MICU1: variants seen among roughly 807,000 people sequenced by gnomAD.
The protein encoded by MICU1 is mitochondrial calcium uptake 1, also known as calcium uptake protein 1, mitochondrial.
A neutral mutation model predicts 56.8 loss-of-function variants in MICU1; 45 were observed. The observed-to-expected ratio is 0.79, with a 90% CI of 0.62 to 1.02. The LOEUF (loss-of-function observed/expected upper bound fraction) is 1.02. Ranked by LOEUF, MICU1 falls within the 50% of genes least tolerant of loss-of-function variation. MICU1 has a pLI of 0.00. For synonymous variants in MICU1, 186 were observed against 195.1 expected (o/e 0.95, Z 0.39); for missense variants, 504 against 587.1 (o/e 0.86, Z 1.46).
intron 10 of MICU1, chr10:72,379,533 G>C (rs892639633): frequency 2.4e-6 from 1 of 425,184 alleles, no homozygotes; most frequent in Admixed American, 2.6e-5. Flanking sequence ...TTCTGCAATT[G>C]TCTTGATATT....
chr10:72,423,414 G>C, intron 8 of MICU1, 43 bp from the exon 9 acceptor site: 1 of 1,594,600 alleles, frequency 6.3e-7, no homozygotes. Flanking sequence ...TCAATGGAAA[G>C]TATTTTGACG....
intron 1 of MICU1, among the ~76,000 whole-genome samples, chr10:72,575,777 G>A (rs925229665): frequency 3.3e-5 from 5 of 152,142 alleles, no homozygotes; most frequent in Admixed American, 6.5e-5. Context: ...TCATTTCCCC[G>A]TCTCTCTCCC....
chr10:72,613,471 C>T lies in MICU1; in HGVS notation c.-2+12539G>A, dbSNP rs1447804592. Among the ~76,000 whole-genome samples the T allele has an allele frequency of 3.3e-5, 5 of 151,516 alleles. No individual in the cohort carries two copies. In the East Asian group the frequency reaches 9.7e-4, roughly 29 times the overall value. ...TTTTTATTTTTTGTAGAGCCCAGGT[C>T]CCATTATGTTGTTCAGGCTGGTCTC... On this transcript the variant is annotated intron_variant, in intron 1 of 11. Transcript: ENST00000361114.
At chr10:72,526,932 CAAAAAA>C (rs57033966) in intron 5 of MICU1, among the ~76,000 whole-genome samples, 5 of 127,632 alleles carry the variant, frequency 3.9e-5, no homozygotes, top group African/African-American at 1.6e-4. Context: ...GTAATGGCTT[CAAAAAA>C]AAAAAAAAAA....
chr10:72,608,352 G>T (rs1218061755), intron 1 of MICU1, among the ~76,000 whole-genome samples: 1 of 152,184 alleles, frequency 6.6e-6, no homozygotes, highest in Non-Finnish European at 1.5e-5. Flanking sequence ...GATTACAGGT[G>T]TGAGCCACCT....
chr10:72,488,686 T>C (rs1866553025), intron 6 of MICU1, among the ~76,000 whole-genome samples: 1 of 152,154 alleles, frequency 6.6e-6, no homozygotes, highest in East Asian at 1.9e-4. Flanking sequence ...GATTTTAAAC[T>C]GGGAAACTAA....
intron 8 of MICU1, among the ~76,000 whole-genome samples, chr10:72,464,052 T>C (rs571901791): frequency 3.3e-5 from 5 of 152,124 alleles, no homozygotes; most frequent in African/African-American, 1.2e-4. Context: ...TCCCAGCACT[T>C]TGGGAGGCTG....
intron 4 of MICU1, among the ~76,000 whole-genome samples, chr10:72,542,861 G>A (rs1027178416): frequency 6.6e-6 from 1 of 152,236 alleles, no homozygotes; most frequent in African/African-American, 2.4e-5. Context: ...GGATTTTACT[G>A]AACAATGAAA....
intron 8 of MICU1, among the ~76,000 whole-genome samples, chr10:72,450,415 A>T (rs1248498256): frequency 1.3e-5 from 2 of 151,908 alleles, no homozygotes; most frequent in Non-Finnish European, 2.9e-5. Context: ...GCAAAAGACA[A>T]GAATGGTGGT....
chr10:72,370,849 G>C (rs1044400430), intron 11 of MICU1, among the ~76,000 whole-genome samples: 1 of 151,578 alleles, frequency 6.6e-6, no homozygotes, highest in African/African-American at 2.4e-5. Flanking sequence ...TGGCCAACGT[G>C]GTAAACCCTG....
intron 8 of MICU1, among the ~76,000 whole-genome samples, chr10:72,428,252 A>G (rs1158706301): frequency 6.6e-6 from 1 of 152,262 alleles, no homozygotes; most frequent in East Asian, 1.9e-4. Flanking sequence ...GTCTTGGTCC[A>G]TAAGATTATA....
chr10:72,392,103 G>A (rs1258149330), intron 10 of MICU1: 1 of 152,146 alleles, frequency 6.6e-6, no homozygotes, highest in Non-Finnish European at 1.5e-5. Context: ...TAAAGTATAT[G>A]GAAAGATATG....
intron 5 of MICU1, among the ~76,000 whole-genome samples, chr10:72,530,374 T>TAATAATAATAATGAA (rs1839445585): frequency 6.7e-6 from 1 of 148,546 alleles, no homozygotes. Flanking sequence ...ATAATAATAA[T>TAATAATAATAATGAA]GCCAGAATAT....
At chr10:72,506,354 A>G (rs1479845931) in intron 6 of MICU1, among the ~76,000 whole-genome samples, 1 of 152,226 alleles carries the variant, frequency 6.6e-6, no homozygotes, top group African/African-American at 2.4e-5. Flanking sequence ...TTCAAAGCTT[A>G]TTTCAGCTCA....
intron 1 of MICU1, among the ~76,000 whole-genome samples, chr10:72,592,888 T>C (rs1397971379): frequency 6.6e-6 from 1 of 151,700 alleles, no homozygotes; most frequent in African/African-American, 2.4e-5. Context: ...GTTCAAGCGA[T>C]TCTCCTGCCT....
At position 72,394,627 on chromosome 10, in the gene MICU1, GA is replaced by G. The variant is rs777177442; in HGVS notation, c.1180+13301del. 9.4e-4 allele frequency among the ~76,000 whole-genome samples: 119 copies of G among 126,186 alleles called. 1 individual carries two copies. Among genetic ancestry groups the G allele is most frequent in the African/African-American group, 2.1e-3 (71 of 34,448 alleles). The allele number at this position is 126,186 out of a possible 152,430, so 82.8% of individuals were successfully genotyped here. On this transcript the variant is annotated intron_variant, in intron 10 of 11. Coordinates refer to ENST00000361114, the MANE Select transcript of MICU1 (RefSeq NM_001195518.2). Reference sequence around the variant, plus strand: ...GGTGACAAAGACTCTGTCTCAAAAAGAAAAAAAAAAAACCCACCCATATGTA... The same window carrying G: ...GGTGACAAAGACTCTGTCTCAAAAAGAAAAAAAAAAACCCACCCATATGTA...
intron 8 of MICU1, among the ~76,000 whole-genome samples, chr10:72,438,811 A>G (rs1864822238): frequency 6.6e-6 from 1 of 152,218 alleles, no homozygotes; most frequent in Non-Finnish European, 1.5e-5. Flanking sequence ...AGAAATGGAT[A>G]AATTCCTGGA....
chr10:72,414,469 G>A (rs1377919221), intron 9 of MICU1, among the ~76,000 whole-genome samples: 1 of 152,128 alleles, frequency 6.6e-6, no homozygotes, highest in Non-Finnish European at 1.5e-5. Context: ...TATATGAAAT[G>A]TCCAGTAAAT....
chr10:72,488,590 C>G (rs906121534), intron 6 of MICU1, among the ~76,000 whole-genome samples: 7 of 152,106 alleles, frequency 4.6e-5, no homozygotes, highest in African/African-American at 1.7e-4. Context: ...TTCAGAATTG[C>G]TACTAGCAAT....
Sources: allele counts gnomAD v4.1 joint callset (sites outside exome capture counted in the v4.1 genomes callset), GRCh38; gene constraint gnomAD v4.1.1; transcripts MANE v1.5; gene names NCBI Gene and HGNC (gene_info 2026-07-23, HGNC 2026-07-21).